The following THSD7A variants were observed in gnomAD, a reference collection of about 807,000 sequenced individuals.
THSD7A encodes thrombospondin type 1 domain containing 7A.
Under a neutral mutation model 231.3 loss-of-function variants are expected in THSD7A, and 96 were observed. The observed-to-expected ratio is 0.41, with a 90% CI of 0.35 to 0.49. The LOEUF (loss-of-function observed/expected upper bound fraction) is 0.49, where lower values mean the gene tolerates loss of function less well. Ranked by LOEUF, THSD7A falls within the 20% of genes least tolerant of loss-of-function variation. The pLI, the probability that THSD7A is intolerant of heterozygous loss-of-function variation, is 0.05. For missense variants in THSD7A, 2,290 were observed against 2,070.2 expected (o/e 1.11, Z -2.06); for synonymous variants, 940 against 743.3 (o/e 1.26, Z -4.30).
At chr7:11,623,970 A>G (rs374756109) in intron 2 of THSD7A, among the ~76,000 whole-genome samples, 102 of 152,296 alleles carry the variant, frequency 6.7e-4, no homozygotes, top group African/African-American at 2.4e-3. Context: ...AAAATAGGGC[A>G]GGCAACTTCT....
chr7:11,445,734 G>C (rs1784946133), intron 13 of THSD7A, among the ~76,000 whole-genome samples: 2 of 151,964 alleles, frequency 1.3e-5, no homozygotes. Context: ...AGACTTGTTA[G>C]GGATTATTGG....
intron 1 of THSD7A, among the ~76,000 whole-genome samples, chr7:11,799,915 A>G (rs905722509): frequency 6.6e-6 from 1 of 152,218 alleles, no homozygotes; most frequent in Non-Finnish European, 1.5e-5. Context: ...TTACACTATT[A>G]ATTAGCAACC....
chr7:11,468,725 T>G (rs1785810670), intron 9 of THSD7A, among the ~76,000 whole-genome samples: 1 of 152,000 alleles, frequency 6.6e-6, no homozygotes, highest in Admixed American at 6.6e-5. Context: ...TCTCAGTGAC[T>G]TGGGAGGCTG....
At chr7:11,554,644 G>C (rs1052457502) in intron 4 of THSD7A, among the ~76,000 whole-genome samples, 1 of 151,812 alleles carries the variant, frequency 6.6e-6, no homozygotes, top group African/African-American at 2.4e-5. Flanking sequence ...ACTGCATTTG[G>C]TCTTATATTT....
At chr7:11,544,172 T>G (rs17) in intron 4 of THSD7A, among the ~76,000 whole-genome samples, 2 of 152,006 alleles carry the variant, frequency 1.3e-5, no homozygotes, top group African/African-American at 2.4e-5. Flanking sequence ...TGAAACCCCG[T>G]CTCTACTAAA....
chr7:11,765,087 T>G (rs1231847475), intron 1 of THSD7A, among the ~76,000 whole-genome samples: 2 of 152,154 alleles, frequency 1.3e-5, no homozygotes, highest in Non-Finnish European at 2.9e-5. Context: ...TCAAAAAATC[T>G]ACCAAAAATG....
Position 11,637,046 on chromosome 7 carries a change from C to T in THSD7A, c.191-85G>A, listed in dbSNP as rs1781893368. The T allele has an allele frequency of 1.6e-6, 2 of 1,261,344 alleles. No individual in the cohort carries two copies. Among genetic ancestry groups the T allele is most frequent in the South Asian group, 2.9e-5 (2 of 69,686 alleles). 78.1% of individuals were successfully genotyped at this position (1,261,344 alleles called of 1,614,324 possible). A position where few individuals can be genotyped will look rare whatever the true frequency, so the allele number is the denominator to read the frequency against. The stretch of plus-strand genomic sequence containing the variant: ...CACATTCCAGAAAGACCTTTCAAGA[C>T]CTAGTACATTAACTTCCCTGCGGTG... On this transcript the variant is annotated intron_variant, in intron 1 of 27. Coordinates refer to ENST00000423059, the MANE Select transcript of THSD7A (RefSeq NM_015204.3). This position sits in a 1 kb window ranked among gnomAD's most constrained non-coding sequence, Gnocchi z 4.2.
At chr7:11,802,067 C>T (rs1218659846) in intron 1 of THSD7A, among the ~76,000 whole-genome samples, 1 of 152,168 alleles carries the variant, frequency 6.6e-6, no homozygotes, top group East Asian at 1.9e-4. Flanking sequence ...CACAAAACTT[C>T]CGTCACAAGG....
intron 7 of THSD7A, among the ~76,000 whole-genome samples, chr7:11,479,319 A>C (rs1472845395): frequency 1.3e-5 from 2 of 152,202 alleles, no homozygotes; most frequent in African/African-American, 4.8e-5. Flanking sequence ...TGGAGCATTT[A>C]TTTCATAAAT....
intron 1 of THSD7A, among the ~76,000 whole-genome samples, chr7:11,652,656 T>A (rs1005202510): frequency 6.6e-6 from 1 of 152,004 alleles, no homozygotes; most frequent in Non-Finnish European, 1.5e-5. Context: ...TACCATATTA[T>A]GTAAAACTTT....
At chr7:11,596,227 C>G (rs1048886888) in intron 2 of THSD7A, among the ~76,000 whole-genome samples, 2 of 152,142 alleles carry the variant, frequency 1.3e-5, no homozygotes, top group Non-Finnish European at 2.9e-5. Context: ...GGCCTTTTAC[C>G]TGGGTAACTG....
Position 11,474,568 on chromosome 7 carries a change from C to G in THSD7A, c.2018G>C (p.Gly673Ala). The change falls in exon 8 of 28, where the codon GGT becomes GCT. Residue 673 changes from glycine to alanine, a missense_variant and splice_region_variant. Coordinates refer to ENST00000423059, the MANE Select transcript of THSD7A (RefSeq NM_015204.3). The surrounding 1 kb of genome is among the most constrained non-coding windows in gnomAD (Gnocchi z 4.1). The part of the protein sequence containing the change: ...RSILAYAGEE[G>A]GIRCPNSSAL... ...ACTGCTATTTGGACAGCGAATTCCA[C>G]CTAAAAACATGGACAATGATAGCAA... 6.3e-7 allele frequency: 1 copy of G among 1,584,580 alleles called. No individual in the cohort carries two copies. The highest frequency in any genetic ancestry group is 8.6e-7 in the Non-Finnish European group (1 of 1,158,092).
intron 1 of THSD7A, among the ~76,000 whole-genome samples, chr7:11,670,691 T>C (rs1446515167): frequency 6.6e-6 from 1 of 152,162 alleles, no homozygotes; most frequent in Non-Finnish European, 1.5e-5. Flanking sequence ...CACAGCACTG[T>C]AGATGGTATT....
intron 2 of THSD7A, among the ~76,000 whole-genome samples, chr7:11,606,351 C>T (rs568024531): frequency 1.3e-3 from 199 of 152,010 alleles, no homozygotes; most frequent in Non-Finnish European, 2.0e-3. Context: ...TGACCCTTTG[C>T]CCCAGATAGC....
intron 8 of THSD7A, among the ~76,000 whole-genome samples, chr7:11,473,778 C>G (rs1786034739): frequency 6.6e-6 from 1 of 151,998 alleles, no homozygotes; most frequent in Non-Finnish European, 1.5e-5. Flanking sequence ...GATAGTTTTT[C>G]TACTTATAAT....
chr7:11,708,046 C>T (rs1292548446), intron 1 of THSD7A, among the ~76,000 whole-genome samples: 1 of 150,704 alleles, frequency 6.6e-6, no homozygotes, highest in Admixed American at 6.6e-5. Flanking sequence ...GTCTTTTGCA[C>T]TCAACTTCTC....
At chr7:11,687,025 T>A (rs986511243) in intron 1 of THSD7A, among the ~76,000 whole-genome samples, 23 of 151,756 alleles carry the variant, frequency 1.5e-4, no homozygotes, top group African/African-American at 5.1e-4. Flanking sequence ...AAAAAAATAA[T>A]ATGTGGGAGA....
intron 2 of THSD7A, among the ~76,000 whole-genome samples, chr7:11,600,331 T>C (rs1279327174): frequency 6.6e-6 from 1 of 152,158 alleles, no homozygotes. Flanking sequence ...CATGTGGGTT[T>C]CCTAATTAAA....
intron 2 of THSD7A, among the ~76,000 whole-genome samples, chr7:11,603,355 A>C (rs1269472387): frequency 6.6e-6 from 1 of 151,824 alleles, no homozygotes; most frequent in Non-Finnish European, 1.5e-5. Flanking sequence ...TTAGAATGGC[A>C]ATCATTAAAA....
Sources: gnomAD v4.1 joint callset for allele counts (sites outside exome capture counted in the v4.1 genomes callset) on GRCh38, gnomAD v4.1.1 for gene constraint, Gnocchi (gnomAD v3.1) non-coding constraint, MANE v1.5 for transcripts, NCBI Gene and HGNC (gene_info 2026-07-23, HGNC 2026-07-21) for gene names.